HSD17B2: variants seen among roughly 807,000 people sequenced by gnomAD.
HSD17B2 encodes the protein 17-beta-hydroxysteroid dehydrogenase type 2.
Under a neutral mutation model 26.9 loss-of-function variants are expected in HSD17B2, and 32 were observed. That is an observed-to-expected ratio of 1.19 (90% CI 0.90 to 1.60). HSD17B2 has a LOEUF of 1.60. HSD17B2 is among the 40% of genes most tolerant of loss of function. The probability of loss-of-function intolerance (pLI) is 0.00; values close to 1 mark genes in which losing one functional copy is unlikely to be tolerated. For missense variants in HSD17B2, 613 were observed against 468.6 expected, an observed-to-expected ratio of 1.31 and a Z score of -2.85; for synonymous variants, 246 against 186.7, an observed-to-expected ratio of 1.32 and a Z score of -2.59.
chr16:82,056,050 A>T (rs760201377), intron 1 of HSD17B2, among the ~76,000 whole-genome samples: 30 of 152,222 alleles, frequency 2.0e-4, no homozygotes, highest in Admixed American at 6.5e-5. Context: ...AATCACAGAC[A>T]TCTTGGATTT....
At chr16:82,037,823 A>G (rs1253200446) in intron 1 of HSD17B2, among the ~76,000 whole-genome samples, 3 of 152,238 alleles carry the variant, frequency 2.0e-5, no homozygotes, top group African/African-American at 7.2e-5. Context: ...ACAAGTCTAC[A>G]GCCACGTCAA....
intron 1 of HSD17B2, among the ~76,000 whole-genome samples, chr16:82,057,339 C>A (rs531842809): frequency 1.3e-5 from 2 of 152,192 alleles, no homozygotes; most frequent in South Asian, 4.1e-4. Context: ...GCTGGGACTA[C>A]AGGCGCGCAC....
intron 1 of HSD17B2, among the ~76,000 whole-genome samples, chr16:82,045,141 A>G (rs1405592272): frequency 2.0e-5 from 3 of 150,860 alleles, no homozygotes; most frequent in Non-Finnish European, 4.4e-5. Flanking sequence ...AAAAAAAAAA[A>G]AAGAGAGAAA....
chr16:82,041,316 T>C (rs1035082375), intron 1 of HSD17B2, among the ~76,000 whole-genome samples: 6 of 152,352 alleles, frequency 3.9e-5, no homozygotes, highest in Non-Finnish European at 5.9e-5. Flanking sequence ...TGGTCGTTAG[T>C]TGGACACAAT....
intron 4 of HSD17B2, chr16:82,094,863 GC>G (rs1904794333): frequency 6.6e-6 from 1 of 152,154 alleles, no homozygotes; most frequent in Non-Finnish European, 1.5e-5. Flanking sequence ...CATCATAATA[GC>G]CCCATCTTGC....
At chr16:82,061,722 G>A (rs940838354) in intron 1 of HSD17B2, among the ~76,000 whole-genome samples, 2 of 152,214 alleles carry the variant, frequency 1.3e-5, no homozygotes, top group African/African-American at 4.8e-5. Flanking sequence ...TGAACATTAT[G>A]AGAGTTATGC....
intron 1 of HSD17B2, among the ~76,000 whole-genome samples, chr16:82,066,012 G>A (rs1240363717): frequency 6.6e-6 from 1 of 152,158 alleles, no homozygotes; most frequent in African/African-American, 2.4e-5. Flanking sequence ...TCCAGCATCT[G>A]GCCTCAGCAC....
chr16:82,091,915 C>T (rs999850771), intron 4 of HSD17B2: 1 of 152,302 alleles, frequency 6.6e-6, no homozygotes, highest in East Asian at 1.9e-4. Context: ...ACCCTGGTCC[C>T]CTGGTGCCTG....
intron 3 of HSD17B2, among the ~76,000 whole-genome samples, chr16:82,076,245 A>G (rs1427984999): frequency 6.6e-6 from 1 of 152,238 alleles, no homozygotes; most frequent in Admixed American, 6.5e-5. Context: ...TCTCAACGTA[A>G]CAAAAGCCAT....
chr16:82,081,293 C>A (rs1904373168), intron 3 of HSD17B2, among the ~76,000 whole-genome samples: 1 of 152,148 alleles, frequency 6.6e-6, no homozygotes, highest in Admixed American at 6.5e-5. Context: ...ATGAACTTCC[C>A]TAAATTCTCC....
chr16:82,075,901 T>A (rs891532336), intron 3 of HSD17B2, among the ~76,000 whole-genome samples: 26 of 80,340 alleles, frequency 3.2e-4, no homozygotes, highest in South Asian at 8.8e-4. Context: ...AACCAGAAAA[T>A]ACATGTTAAA....
chr16:82,097,949 A>T lies in HSD17B2; in HGVS notation c.803-126A>T, dbSNP rs147831726. 348 of 919,094 alleles carry T rather than the reference A, an allele frequency of 3.8e-4. 2 individuals are homozygous for T. In the African/African-American group the frequency reaches 5.6e-3, roughly 15 times the overall value. The allele number at this position is 919,094 out of a possible 1,614,324, so 56.9% of individuals were successfully genotyped here. A position where few individuals can be genotyped will look rare whatever the true frequency, so the allele number is the denominator to read the frequency against. ...AAAGACTCTGTATCCCAAAAATAAAAAAATAAAAAAATAAATAAATAAACG... is the reference window on the plus strand; with the variant it reads ...AAAGACTCTGTATCCCAAAAATAAATAAATAAAAAAATAAATAAATAAACG... On this transcript the variant is annotated intron_variant, in intron 4 of 4. Coordinates refer to ENST00000199936, the MANE Select transcript of HSD17B2 (RefSeq NM_002153.3).
chr16:82,086,386 TC>T (rs1371925778), intron 3 of HSD17B2, among the ~76,000 whole-genome samples: 1 of 151,904 alleles, frequency 6.6e-6, no homozygotes, highest in African/African-American at 2.4e-5. Flanking sequence ...AGAGAGAGGG[TC>T]TTCACAATTC....
intron 1 of HSD17B2, among the ~76,000 whole-genome samples, chr16:82,041,231 G>C (rs1033625623): frequency 6.6e-6 from 1 of 152,146 alleles, no homozygotes; most frequent in African/African-American, 2.4e-5. Flanking sequence ...CAGCACGTTA[G>C]GCCTAACACA....
intron 1 of HSD17B2, among the ~76,000 whole-genome samples, chr16:82,059,919 T>G (rs1914385440): frequency 6.6e-6 from 1 of 151,926 alleles, no homozygotes; most frequent in South Asian, 2.1e-4. Flanking sequence ...TTGTTTCCAT[T>G]AAAAAAAATT....
chr16:82,080,169 C>G (rs1904341307), intron 3 of HSD17B2, among the ~76,000 whole-genome samples: 1 of 152,198 alleles, frequency 6.6e-6, no homozygotes, highest in East Asian at 1.9e-4. Flanking sequence ...CCTGAAGAAA[C>G]TATCTCAGGC....
Position 82,068,326 on chromosome 16 carries a change from A to G in HSD17B2, c.422A>G (p.Lys141Arg), listed in dbSNP as rs1402883994. The G allele has an allele frequency of 6.2e-7, 1 of 1,613,910 alleles. No individual in the cohort carries two copies. Among genetic ancestry groups the G allele is most frequent in the African/African-American group, 1.3e-5 (1 of 74,926 alleles). Reference protein sequence around the residue: ...RLSVLQMDITKPVQIKDAYSK... With the variant: ...RLSVLQMDITRPVQIKDAYSK... ...TCGGTGCTCCAAATGGACATCACGA[A>G]GCCAGTGCAGATAAAAGATGCTTAC... Residue 141 changes from lysine to arginine, a missense_variant, in exon 2 of 5, where the codon AAG becomes AGG. By Grantham distance (26) the Lys-to-Arg change is conservative. Coordinates refer to ENST00000199936, the MANE Select transcript of HSD17B2 (RefSeq NM_002153.3).
At chr16:82,044,200 G>A (rs1913848927) in intron 1 of HSD17B2, 1 of 152,104 alleles carries the variant, frequency 6.6e-6, no homozygotes. Flanking sequence ...AAACCCAGCT[G>A]GAACTAAATG....
chr16:82,059,098 G>A (rs1360281139), intron 1 of HSD17B2, among the ~76,000 whole-genome samples: 1 of 152,192 alleles, frequency 6.6e-6, no homozygotes, highest in Non-Finnish European at 1.5e-5. Context: ...TTTCCAATGA[G>A]TGTTCCCTTA....
Sources: gnomAD v4.1 joint callset for allele counts (sites outside exome capture counted in the v4.1 genomes callset) on GRCh38, gnomAD v4.1.1 for gene constraint, MANE v1.5 for transcripts, NCBI Gene and HGNC (gene_info 2026-07-23, HGNC 2026-07-21) for gene names.